Variants in ANKRD31 observed in about 807,000 individuals in gnomAD.
The protein encoded by ANKRD31 is ankyrin repeat domain-containing protein 31.
ANKRD31 carries 147 observed loss-of-function variants against 186.0 expected under a neutral mutation model. The observed-to-expected ratio is 0.79, with a 90% CI of 0.69 to 0.91. The LOEUF (loss-of-function observed/expected upper bound fraction) is 0.91. Among genes scored for constraint, ANKRD31 ranks in the 40% least tolerant of loss-of-function variants. The pLI is 0.00. For missense variants in ANKRD31, 1,986 were observed against 2,148.8 expected (o/e 0.92, Z 1.50); for synonymous variants, 673 against 736.4 (o/e 0.91, Z 1.39).
chr5:75,189,415 T>C (rs776232762), intron 9 of ANKRD31, among the ~76,000 whole-genome samples: 11 of 152,210 alleles, frequency 7.2e-5, no homozygotes, highest in African/African-American at 1.4e-4. Context: ...CTAGCTATCC[T>C]GCCCCATCCT....
At chr5:75,119,488 C>T (rs567176316) in intron 17 of ANKRD31, among the ~76,000 whole-genome samples, 1 of 152,254 alleles carries the variant, frequency 6.6e-6, no homozygotes, top group South Asian at 2.1e-4. Flanking sequence ...TCTTATTTAT[C>T]CAATTCACCA....
chr5:75,216,434 T>C (rs1043553190), intron 3 of ANKRD31, among the ~76,000 whole-genome samples: 1 of 152,160 alleles, frequency 6.6e-6, no homozygotes, highest in African/African-American at 2.4e-5. Context: ...CAAATGTTTC[T>C]GAAATAAATT....
At chr5:75,093,019 A>G (rs1022029140) in intron 22 of ANKRD31, among the ~76,000 whole-genome samples, 2 of 152,226 alleles carry the variant, frequency 1.3e-5, no homozygotes, top group African/African-American at 4.8e-5. Context: ...AAGAGAAAGA[A>G]TTAGTAAACT....
At chr5:75,133,478 A>C (rs928548540) in intron 17 of ANKRD31, among the ~76,000 whole-genome samples, 5 of 152,230 alleles carry the variant, frequency 3.3e-5, no homozygotes, top group Admixed American at 6.5e-5. Flanking sequence ...ATAAATATAT[A>C]TATGCACCCA....
chr5:75,186,649 C>A (rs1435756023), intron 10 of ANKRD31, among the ~76,000 whole-genome samples: 2 of 151,974 alleles, frequency 1.3e-5, no homozygotes, highest in Non-Finnish European at 2.9e-5. Context: ...TTTTTTTTAG[C>A]CTACTTCATG....
intron 11 of ANKRD31, among the ~76,000 whole-genome samples, chr5:75,154,794 A>G (rs780771901): frequency 1.3e-5 from 2 of 152,064 alleles, no homozygotes; most frequent in Non-Finnish European, 2.9e-5. Flanking sequence ...GTTCCAGGAG[A>G]TAATTATGTC....
At chr5:75,071,391 C>T (rs1426184016) in intron 25 of ANKRD31, among the ~76,000 whole-genome samples, 4 of 150,794 alleles carry the variant, frequency 2.7e-5, no homozygotes, top group African/African-American at 9.7e-5. Flanking sequence ...TGCAATACTT[C>T]TTATTACCAC....
At chr5:75,112,675 G>C (rs1308602585) in intron 19 of ANKRD31, 75 bp from the exon 20 acceptor site, 2 of 914,536 alleles carry the variant, frequency 2.2e-6, no homozygotes, top group African/African-American at 3.4e-5. Flanking sequence ...GACAAACACA[G>C]AGTAAATAAA....
chr5:75,233,971 A>G (rs1758105032), intron 1 of ANKRD31, among the ~76,000 whole-genome samples: 1 of 152,164 alleles, frequency 6.6e-6, no homozygotes, highest in Admixed American at 6.5e-5. Flanking sequence ...AAAAACCCCA[A>G]CAATTTATGC....
At chr5:75,131,621 C>G (rs1749845431) in intron 17 of ANKRD31, among the ~76,000 whole-genome samples, 1 of 152,206 alleles carries the variant, frequency 6.6e-6, no homozygotes, top group Admixed American at 6.5e-5. Context: ...GAAACTTCGG[C>G]AGACTTAAAC....
At chr5:75,153,150 T>A (rs944381066) in intron 12 of ANKRD31, among the ~76,000 whole-genome samples, 7 of 152,056 alleles carry the variant, frequency 4.6e-5, no homozygotes, top group African/African-American at 1.7e-4. Flanking sequence ...GCTAAAGCCT[T>A]CAGCCAACAA....
At chr5:75,143,901 AG>A (rs1751234671) in intron 15 of ANKRD31, 99 bp downstream of exon 15, 1 of 393,912 alleles carries the variant, frequency 2.5e-6, no homozygotes, top group South Asian at 1.4e-4. Flanking sequence ...AACTACAAAA[AG>A]AAACAATATA....
intron 17 of ANKRD31, among the ~76,000 whole-genome samples, chr5:75,126,223 C>T (rs562569054): frequency 6.5e-4 from 99 of 152,220 alleles, no homozygotes; most frequent in Non-Finnish European, 7.5e-4. Flanking sequence ...GGGTGGATCA[C>T]CTGAGGTCAG....
Position 75,214,020 on chromosome 5 carries a change from T to C in ANKRD31, c.289-3155A>G, listed in dbSNP as rs559850408. On this transcript the variant is annotated intron_variant, in intron 3 of 25. Coordinates refer to ENST00000506364, the MANE Select transcript of ANKRD31 (RefSeq NM_001372053.1). ...CGTTTGAAGTACCTGGATGAATTGC[T>C]AACAACATTTGCTTAAGATATCTTT... 1.8e-4 allele frequency among the ~76,000 whole-genome samples: 28 copies of C among 152,340 alleles called. No homozygotes were observed. In the South Asian group the frequency reaches 2.5e-3, roughly 14 times the overall value.
intron 2 of ANKRD31, among the ~76,000 whole-genome samples, chr5:75,223,136 C>G (rs1757407326): frequency 6.6e-6 from 1 of 152,204 alleles, no homozygotes; most frequent in Non-Finnish European, 1.5e-5. Context: ...AATCACCATT[C>G]TGACAGGCAT....
At chr5:75,220,680 A>T (rs1375572322) in intron 3 of ANKRD31, among the ~76,000 whole-genome samples, 1 of 152,110 alleles carries the variant, frequency 6.6e-6, no homozygotes, top group East Asian at 1.9e-4. Context: ...ATGAACAGAC[A>T]CTTTACACAA....
At chr5:75,236,293 C>T (rs1288855172) in intron 1 of ANKRD31, among the ~76,000 whole-genome samples, 1 of 152,058 alleles carries the variant, frequency 6.6e-6, no homozygotes, top group East Asian at 1.9e-4. Flanking sequence ...ATCTTTTTTG[C>T]TTGTGCAAAA....
In ANKRD31 at chr5:75,236,769, G is replaced by C; in HGVS notation, c.-83C>G. The C allele has an allele frequency of 9.6e-7, 1 of 1,038,568 alleles. No homozygotes were observed. Among genetic ancestry groups the C allele is most frequent in the Non-Finnish European group, 1.4e-6 (1 of 726,832 alleles). 64.3% of individuals were successfully genotyped at this position (1,038,568 alleles called of 1,614,324 possible). On this transcript the variant is annotated 5_prime_UTR_variant, in exon 1 of 26. Coordinates refer to ENST00000506364, the MANE Select transcript of ANKRD31 (RefSeq NM_001372053.1). ...CAAAAAAACGCTTTGAGGGCCAGGG[G>C]AAATTGTGAATTAAAAATAAAAATA...
At chr5:75,136,607 G>A (rs559611902) in intron 17 of ANKRD31, among the ~76,000 whole-genome samples, 12 of 152,298 alleles carry the variant, frequency 7.9e-5, no homozygotes, top group East Asian at 1.9e-4. Context: ...ACAGTGTGGC[G>A]ATTCCTCAAG....
Sources: allele counts gnomAD v4.1 joint callset (sites outside exome capture counted in the v4.1 genomes callset), GRCh38; gene constraint gnomAD v4.1.1; transcripts MANE v1.5; gene names NCBI Gene and HGNC (gene_info 2026-07-23, HGNC 2026-07-21).